SPTBN1: variants seen among roughly 807,000 people sequenced by gnomAD.
The protein encoded by SPTBN1 is spectrin beta chain, non-erythrocytic 1.
Under a neutral mutation model 266.4 loss-of-function variants are expected in SPTBN1, and 32 were observed. The observed-to-expected ratio is 0.12, with a 90% CI of 0.09 to 0.16. The LOEUF (loss-of-function observed/expected upper bound fraction) is 0.16, where lower values mean the gene tolerates loss of function less well. SPTBN1 is among the 10% of genes least tolerant of loss of function. The pLI is 1.00. For missense variants in SPTBN1, 2,296 were observed against 3,067.1 expected, an observed-to-expected ratio of 0.75 and a Z score of 5.94; for synonymous variants, 1,336 against 1,162.2, an observed-to-expected ratio of 1.15 and a Z score of -3.04.
At chr2:54,526,882 C>G (rs1242510760) in intron 2 of SPTBN1, 3 of 214,670 alleles carry the variant, frequency 1.4e-5, no homozygotes, top group Non-Finnish European at 2.8e-5. Flanking sequence ...CATACTATTC[C>G]TTATACTCAA....
intron 23 of SPTBN1, 23 bp from the exon 24 acceptor site, chr2:54,647,108 G>T: frequency 6.2e-7 from 1 of 1,614,144 alleles, no homozygotes; most frequent in East Asian, 2.2e-5. Flanking sequence ...CGCTATGGTT[G>T]TGATGTTCTC....
chr2:54,546,642 A>G (rs1204592934), intron 2 of SPTBN1: 4 of 152,232 alleles, frequency 2.6e-5, no homozygotes, highest in Non-Finnish European at 5.9e-5. Flanking sequence ...TCTGTGGGAA[A>G]TGGATAAACT....
At chr2:54,568,402 G>A (rs1042669231) in intron 2 of SPTBN1, among the ~76,000 whole-genome samples, 16 of 151,326 alleles carry the variant, frequency 1.1e-4, no homozygotes, top group Non-Finnish European at 2.9e-5. Flanking sequence ...GGAAGTAATG[G>A]TGTCTGCCTT....
intron 2 of SPTBN1, among the ~76,000 whole-genome samples, chr2:54,597,775 C>T (rs546217980): frequency 6.6e-6 from 1 of 152,078 alleles, no homozygotes; most frequent in South Asian, 2.1e-4. Context: ...TCTCAGGCGA[C>T]TGGGCACATG....
chr2:54,514,954 A>G (rs1266354779), intron 1 of SPTBN1, among the ~76,000 whole-genome samples: 1 of 152,216 alleles, frequency 6.6e-6, no homozygotes, highest in African/African-American at 2.4e-5. Context: ...TAGCAAATTA[A>G]CCACAACATT....
chr2:54,510,176 C>T (rs1168031950), intron 1 of SPTBN1, among the ~76,000 whole-genome samples: 3 of 152,136 alleles, frequency 2.0e-5, no homozygotes, highest in African/African-American at 4.8e-5. Context: ...CCAGGCTGGT[C>T]TCAACCTCCT....
intron 1 of SPTBN1, among the ~76,000 whole-genome samples, chr2:54,472,104 T>C (rs1037933461): frequency 2.2e-5 from 3 of 137,006 alleles, no homozygotes; most frequent in Non-Finnish European, 4.6e-5. Flanking sequence ...CTTGGCTCAC[T>C]GCAAGCTCCG....
At chr2:54,495,345 A>T (rs959781589) in intron 1 of SPTBN1, among the ~76,000 whole-genome samples, 18 of 152,178 alleles carry the variant, frequency 1.2e-4, no homozygotes, top group Admixed American at 1.2e-3. Context: ...AGCTCAAGGA[A>T]CCCTTATGTG....
chr2:54,473,040 C>G (rs1005448020), intron 1 of SPTBN1, among the ~76,000 whole-genome samples: 1 of 152,190 alleles, frequency 6.6e-6, no homozygotes, highest in African/African-American at 2.4e-5. Flanking sequence ...AATTTCATAG[C>G]TCTGTAGCGT....
At chr2:54,623,656 C>G in intron 10 of SPTBN1, 60 bp downstream of exon 10, 1 of 1,365,602 alleles carries the variant, frequency 7.3e-7, no homozygotes, top group Admixed American at 2.0e-5. Context: ...GGTTCTATCA[C>G]TAGGTCTCGA....
At chr2:54,562,737 T>TG (rs1673397880) in intron 2 of SPTBN1, among the ~76,000 whole-genome samples, 2 of 150,392 alleles carry the variant, frequency 1.3e-5, no homozygotes, top group Non-Finnish European at 1.5e-5. Flanking sequence ...TGTGTGTGTT[T>TG]TGTAGAGACA....
chr2:54,623,425 AGT>A (rs1292223632), intron 9 of SPTBN1, 52 bp from the exon 10 acceptor site: 11 of 1,473,110 alleles, frequency 7.5e-6, no homozygotes, highest in African/African-American at 1.4e-5. Context: ...AATGCATGAC[AGT>A]GTGAAATTTT....
intron 1 of SPTBN1, among the ~76,000 whole-genome samples, chr2:54,467,831 A>G (rs542259932): frequency 3.3e-5 from 5 of 152,252 alleles, no homozygotes; most frequent in South Asian, 4.1e-4. Flanking sequence ...TGAAGACTAT[A>G]TACCATCATA....
chr2:54,527,808 A>G (rs1573341877), intron 2 of SPTBN1: 2 of 152,240 alleles, frequency 1.3e-5, no homozygotes, highest in East Asian at 1.9e-4. Context: ...GACTTGGATC[A>G]TGTGCTTCTC....
intron 11 of SPTBN1, among the ~76,000 whole-genome samples, 156 bp from the exon 12 acceptor site, chr2:54,625,776 A>T (rs1678280942): frequency 6.6e-6 from 1 of 152,074 alleles, no homozygotes; most frequent in African/African-American, 2.4e-5. Flanking sequence ...TTTTTAGTAG[A>T]GACAGGGTTT....
At chr2:54,465,223 G>A (rs990674024) in intron 1 of SPTBN1, among the ~76,000 whole-genome samples, 6 of 152,170 alleles carry the variant, frequency 3.9e-5, no homozygotes, top group African/African-American at 1.4e-4. Flanking sequence ...GTATTCAAAT[G>A]TATTAATTCT....
intron 1 of SPTBN1, among the ~76,000 whole-genome samples, chr2:54,457,468 A>G (rs1693117413): frequency 6.6e-6 from 1 of 152,056 alleles, no homozygotes; most frequent in Non-Finnish European, 1.5e-5. Context: ...TATTTTTCCA[A>G]TCGAAAGCCA....
chr2:54,551,233 T>A, intron 2 of SPTBN1, among the ~76,000 whole-genome samples: 1 of 152,210 alleles, frequency 6.6e-6, no homozygotes. Flanking sequence ...GCTGTTCCCC[T>A]CCATGTTGGA....
At chr2:54,492,693 G>A (rs1217345433) in intron 1 of SPTBN1, among the ~76,000 whole-genome samples, 3 of 152,146 alleles carry the variant, frequency 2.0e-5, no homozygotes, top group Non-Finnish European at 2.9e-5. Context: ...ACATGGACAC[G>A]TCTCTTATGT....
Sources: gnomAD v4.1 joint callset for allele counts (sites outside exome capture counted in the v4.1 genomes callset) on GRCh38, gnomAD v4.1.1 for gene constraint, MANE v1.5 for transcripts, NCBI Gene and HGNC (gene_info 2026-07-23, HGNC 2026-07-21) for gene names.